The following PDLIM5 variants were observed in gnomAD, a reference collection of about 807,000 sequenced individuals.
PDLIM5 encodes PDZ and LIM domain protein 5.
In PDLIM5, 34 loss-of-function variants were observed where a neutral mutation model predicts 64.2. That is an observed-to-expected ratio of 0.53 (90% CI 0.40 to 0.71). The LOEUF (loss-of-function observed/expected upper bound fraction) is 0.71, where lower values mean the gene tolerates loss of function less well. Ranked by LOEUF, PDLIM5 falls within the 30% of genes least tolerant of loss-of-function variation. The pLI is 0.00. For synonymous variants in PDLIM5, 253 were observed against 269.1 expected (o/e 0.94, Z 0.59); for missense variants, 683 against 733.6 (o/e 0.93, Z 0.80).
chr4:94,616,414 C>T (rs1367179360), intron 7 of PDLIM5, among the ~76,000 whole-genome samples: 8 of 152,080 alleles, frequency 5.3e-5, no homozygotes, highest in African/African-American at 1.2e-4. Flanking sequence ...ATTTAAGCCT[C>T]GTAGAAATCT....
At chr4:94,482,809 G>A (rs113008160) in intron 2 of PDLIM5, among the ~76,000 whole-genome samples, 4,519 of 152,010 alleles carry the variant, frequency 0.03, 209 homozygotes, top group African/African-American at 0.096. Context: ...GAATCACTTG[G>A]GCCCAGGGGG....
chr4:94,564,466 A>C (rs2110249852), intron 3 of PDLIM5, among the ~76,000 whole-genome samples: 1 of 152,136 alleles, frequency 6.6e-6, no homozygotes, highest in South Asian at 2.1e-4. Context: ...GGAATTCCGT[A>C]CTTCAGGTTT....
intron 3 of PDLIM5, among the ~76,000 whole-genome samples, chr4:94,563,013 C>A (rs1578381732): frequency 6.6e-6 from 1 of 151,916 alleles, no homozygotes; most frequent in Non-Finnish European, 1.5e-5. Flanking sequence ...AACAAGTCTT[C>A]TATTATAAGC....
At chr4:94,582,982 T>C in intron 5 of PDLIM5, 1 of 404,802 alleles carries the variant, frequency 2.5e-6, no homozygotes, top group Non-Finnish European at 4.4e-6. Context: ...AGATGAGTAT[T>C]ATGGACAGTG....
chr4:94,459,608 G>C (rs895957053), intron 2 of PDLIM5, among the ~76,000 whole-genome samples: 11 of 152,308 alleles, frequency 7.2e-5, no homozygotes, highest in African/African-American at 2.4e-4. Context: ...AAAGTGGGGA[G>C]TACAAAGGTT....
intron 8 of PDLIM5, among the ~76,000 whole-genome samples, chr4:94,631,916 C>T (rs1740182576): frequency 6.6e-6 from 1 of 152,186 alleles, no homozygotes; most frequent in Admixed American, 6.5e-5. Flanking sequence ...CAAATGTCGT[C>T]AATATGTTGG....
chr4:94,621,096 A>T (rs1406119791), intron 8 of PDLIM5, among the ~76,000 whole-genome samples: 1 of 146,366 alleles, frequency 6.8e-6, no homozygotes, highest in Non-Finnish European at 1.5e-5. Flanking sequence ...AAAAAAAAAA[A>T]AAGCTAGAAG....
chr4:94,578,272 C>G (rs1057476602), intron 5 of PDLIM5, among the ~76,000 whole-genome samples: 4 of 152,062 alleles, frequency 2.6e-5, no homozygotes. Flanking sequence ...TGATTTAAAG[C>G]TTATTATTTT....
At chr4:94,646,545 C>T (rs1008769489) in intron 9 of PDLIM5, among the ~76,000 whole-genome samples, 1 of 152,174 alleles carries the variant, frequency 6.6e-6, no homozygotes, top group African/African-American at 2.4e-5. Flanking sequence ...ATAAAAAATA[C>T]AGACAAGCAA....
At chr4:94,543,797 T>C (rs1732053664) in intron 3 of PDLIM5, among the ~76,000 whole-genome samples, 1 of 113,680 alleles carries the variant, frequency 8.8e-6, no homozygotes, top group Non-Finnish European at 1.7e-5. Flanking sequence ...TGTGTGTGTG[T>C]GTGTGTGTGT....
intron 2 of PDLIM5, among the ~76,000 whole-genome samples, chr4:94,460,650 G>C (rs923938074): frequency 6.7e-6 from 1 of 150,070 alleles, no homozygotes; most frequent in African/African-American, 2.5e-5. Flanking sequence ...AAAAAGGTAA[G>C]AATAGCACTT....
At chr4:94,595,539 A>T (rs1737005421) in intron 7 of PDLIM5, among the ~76,000 whole-genome samples, 2 of 152,252 alleles carry the variant, frequency 1.3e-5, no homozygotes, top group South Asian at 4.1e-4. Flanking sequence ...TCTTAAGGAG[A>T]AACCTATTAC....
chr4:94,664,943 T>A lies in PDLIM5; in HGVS notation c.*876T>A, dbSNP rs1012388515. 2.0e-5 allele frequency: 20 copies of A among 982,346 alleles called. No individual in the cohort carries two copies. Among genetic ancestry groups the A allele is most frequent in the Non-Finnish European group, 2.4e-5 (20 of 827,276 alleles). 60.9% of individuals were successfully genotyped at this position (982,346 alleles called of 1,614,324 possible). ...TCTAGTAGGAAAGGACAATAAGATT[T>A]TTTATCAAAATGTGTCATGCCAGTA... On this transcript the variant is annotated 3_prime_UTR_variant, in exon 13 of 13. Transcript: ENST00000317968.
intron 8 of PDLIM5, among the ~76,000 whole-genome samples, chr4:94,633,145 C>T (rs1408404255): frequency 1.3e-5 from 2 of 152,014 alleles, no homozygotes; most frequent in Non-Finnish European, 2.9e-5. Flanking sequence ...GATTAAATGG[C>T]GTATCTTGAA....
intron 7 of PDLIM5, 63 bp downstream of exon 7, chr4:94,586,507 T>C (rs895346969): frequency 2.0e-6 from 2 of 978,664 alleles, no homozygotes; most frequent in Admixed American, 1.9e-5. Context: ...CAATTTAGTT[T>C]TTCAAATTGT....
intron 2 of PDLIM5, among the ~76,000 whole-genome samples, chr4:94,464,320 A>G (rs1363991784): frequency 2.0e-5 from 3 of 152,250 alleles, no homozygotes; most frequent in Non-Finnish European, 4.4e-5. Context: ...GACATTAACA[A>G]TTTAATGCTG....
intron 8 of PDLIM5, among the ~76,000 whole-genome samples, chr4:94,630,906 A>T (rs765334860): frequency 6.6e-6 from 1 of 152,106 alleles, no homozygotes; most frequent in Non-Finnish European, 1.5e-5. Context: ...GTTTGTCCTT[A>T]GCAAAAGTAT....
chr4:94,586,494 T>A lies in PDLIM5; in HGVS notation c.920+50T>A, dbSNP rs150388991. ...TTGAATGTTTTCCTTTCACGAATGG[T>A]CTCAATTTAGTTTTTCAAATTGTCA... On this transcript the variant is annotated intron_variant, in intron 7 of 12. Transcript: ENST00000317968. 2.3e-4 allele frequency: 254 copies of A among 1,107,842 alleles called. 3 individuals carry two copies. The East Asian group carries it at 5.3e-3, about 23-fold the overall frequency. The allele number at this position is 1,107,842 out of a possible 1,614,324, so 68.6% of individuals were successfully genotyped here. A position where few individuals can be genotyped will look rare whatever the true frequency, so the allele number is the denominator to read the frequency against.
At chr4:94,585,766 A>C (rs749957345) in intron 6 of PDLIM5, 29 bp downstream of exon 6, 1 of 1,583,390 alleles carries the variant, frequency 6.3e-7, no homozygotes, top group South Asian at 1.1e-5. Flanking sequence ...ATCCTAATGG[A>C]TGAATGTTTT....
Sources: gnomAD v4.1 joint callset for allele counts (sites outside exome capture counted in the v4.1 genomes callset) on GRCh38, gnomAD v4.1.1 for gene constraint, MANE v1.5 for transcripts, NCBI Gene and HGNC (gene_info 2026-07-23, HGNC 2026-07-21) for gene names.